SLC2A5: variants seen among roughly 807,000 people sequenced by gnomAD.
SLC2A5 encodes the protein solute carrier family 2, facilitated glucose transporter member 5.
Under a neutral mutation model 50.3 loss-of-function variants are expected in SLC2A5, and 56 were observed. That is an observed-to-expected ratio of 1.11 (90% CI 0.90 to 1.39). The LOEUF (loss-of-function observed/expected upper bound fraction) is 1.39, where lower values mean the gene tolerates loss of function less well. SLC2A5 is among the 40% of genes most tolerant of loss of function. SLC2A5 has a pLI of 0.00. For missense variants in SLC2A5, 566 were observed against 650.1 expected, an observed-to-expected ratio of 0.87 and a Z score of 1.41; for synonymous variants, 269 against 281.9, an observed-to-expected ratio of 0.95 and a Z score of 0.46.
At chr1:9,066,983 TA>T (rs58819432) in intron 1 of SLC2A5, among the ~76,000 whole-genome samples, 10,684 of 109,926 alleles carry the variant, frequency 0.097, 496 homozygotes, top group African/African-American at 0.18. Flanking sequence ...GTCTCAAAAT[TA>T]AAAAAAAAAA....
chr1:9,039,639 G>T lies in SLC2A5; in HGVS notation c.909C>A (p.Ile303=), dbSNP rs1427039024. The change falls in exon 8 of 12, where the codon ATC becomes ATA. Residue 303 remains isoleucine, a synonymous_variant. Coordinates refer to ENST00000377424, the MANE Select transcript of SLC2A5 (RefSeq NM_003039.3). The stretch of plus-strand genomic sequence containing the variant: ...CCTCCGGCACGCCGGCGCTCAGGTA[G>T]ATCTGGTCCGCGTAGTAGTAGATCT... ...VNAIYYYADQ[I]YLSAGVPEEH... The T allele has an allele frequency of 1.2e-5, 18 of 1,558,514 alleles. No individual in the cohort carries two copies. The East Asian group carries it at 4.1e-4, about 36-fold the overall frequency.
At chr1:9,053,489 T>A (rs1246002859) in intron 3 of SLC2A5, among the ~76,000 whole-genome samples, 4 of 82,814 alleles carry the variant, frequency 4.8e-5, no homozygotes, top group South Asian at 2.8e-4. Context: ...TATTATATAT[T>A]TATATATAAT....
At position 9,037,482 on chromosome 1, in the gene SLC2A5, A is replaced by G; in HGVS notation, c.*104T>C. On this transcript the variant is annotated 3_prime_UTR_variant, in exon 12 of 12. Transcript: ENST00000377424. Reference sequence around the variant, plus strand: ...GGAGATGAGGACTGCATTCCACATCAGAGTTGTTTTATTTCTGGATATTCA... The same window carrying G: ...GGAGATGAGGACTGCATTCCACATCGGAGTTGTTTTATTTCTGGATATTCA... 1.1e-6 allele frequency: 1 copy of G among 941,140 alleles called. No individual in the cohort carries two copies. The highest frequency in any genetic ancestry group is 1.4e-5 in the South Asian group (1 of 69,392). The allele number at this position is 941,140 out of a possible 1,614,324, so 58.3% of individuals were successfully genotyped here.
intron 1 of SLC2A5, among the ~76,000 whole-genome samples, chr1:9,061,944 G>T (rs939476827): frequency 2.0e-5 from 3 of 152,186 alleles, no homozygotes; most frequent in African/African-American, 7.2e-5. Context: ...AAATGATCAG[G>T]CTATAGAGTC....
intron 2 of SLC2A5, 83 bp from the exon 3 acceptor site, chr1:9,057,691 A>G: frequency 8.0e-7 from 1 of 1,242,910 alleles, no homozygotes. Context: ...ACACCCAATG[A>G]AATAACCTGG....
At chr1:9,066,807 G>A (rs1642094588) in intron 1 of SLC2A5, among the ~76,000 whole-genome samples, 2 of 151,494 alleles carry the variant, frequency 1.3e-5, no homozygotes, top group East Asian at 1.9e-4. Context: ...GTGAGACCCC[G>A]TCTCTTCAAA....
At chr1:9,078,669 A>T (rs11590201) in intron 2 of SLC2A5, among the ~76,000 whole-genome samples, 43,487 of 152,100 alleles carry the variant, frequency 0.29, 6,993 homozygotes, top group East Asian at 0.49. Flanking sequence ...GTAGATCCAC[A>T]CTACATTGTT....
upstream of SLC2A5, among the ~76,000 whole-genome samples, chr1:9,091,080 G>C (rs918959003): frequency 2.0e-5 from 3 of 152,120 alleles, no homozygotes; most frequent in Non-Finnish European, 4.4e-5. Context: ...AATAAGAAGG[G>C]ACTTACTTTC....
At position 9,085,603 on chromosome 1, in the gene SLC2A5, G is replaced by A. The variant is rs190124820; in HGVS notation, c.-187-461C>T. Among the ~76,000 whole-genome samples, 19 of 152,276 alleles carry A rather than the reference G, an allele frequency of 1.2e-4. No homozygotes were observed. In the East Asian group the frequency reaches 3.1e-3, roughly 25 times the overall value. ...GTCACTGTTGGTGCTGGAGAGGTTTGATGAGGCATGTTCGAACCCCACTTC... is the reference window on the plus strand; with the variant it reads ...GTCACTGTTGGTGCTGGAGAGGTTTAATGAGGCATGTTCGAACCCCACTTC... On this transcript the variant is annotated intron_variant, in intron 1 of 5. Transcript: ENST00000464985.
At chr1:9,067,855 G>A (rs141676931) in intron 1 of SLC2A5, among the ~76,000 whole-genome samples, 82 of 152,214 alleles carry the variant, frequency 5.4e-4, no homozygotes, top group Middle Eastern at 3.4e-3. Flanking sequence ...GAAATCACGC[G>A]GAGGTGGAGA....
At chr1:9,062,913 C>G (rs1038413218) in intron 1 of SLC2A5, among the ~76,000 whole-genome samples, 3 of 151,968 alleles carry the variant, frequency 2.0e-5, no homozygotes, top group African/African-American at 7.2e-5. Context: ...CCAGCTACTA[C>G]GTGCAGAGCA....
chr1:9,039,642 C>T lies in SLC2A5; in HGVS notation c.906G>A (p.Gln302=), dbSNP rs1302108098. 2 of 1,557,230 alleles carry T rather than the reference C, an allele frequency of 1.3e-6. No homozygotes were observed. Among genetic ancestry groups the T allele is most frequent in the African/African-American group, 1.4e-5 (1 of 73,014 alleles). The change falls in exon 8 of 12, where the codon CAG becomes CAA. Residue 302 remains glutamine (Q), a synonymous_variant. Coordinates refer to ENST00000377424, the MANE Select transcript of SLC2A5 (RefSeq NM_003039.3). Reference sequence around the variant, plus strand: ...CCGGCACGCCGGCGCTCAGGTAGATCTGGTCCGCGTAGTAGTAGATCTGCA... The same window carrying T: ...CCGGCACGCCGGCGCTCAGGTAGATTTGGTCCGCGTAGTAGTAGATCTGCA... ...GVNAIYYYAD[Q]IYLSAGVPEE... is the part of the protein sequence containing the mutation.
upstream of SLC2A5, among the ~76,000 whole-genome samples, chr1:9,089,674 A>G (rs1642442100): frequency 6.6e-6 from 1 of 152,224 alleles, no homozygotes; most frequent in South Asian, 2.1e-4. Flanking sequence ...GCAACCCTGG[A>G]CGCTGGCCAA....
chr1:9,075,541 T>A (rs1642273160), intron 2 of SLC2A5, among the ~76,000 whole-genome samples: 1 of 152,230 alleles, frequency 6.6e-6, no homozygotes, highest in South Asian at 2.1e-4. Flanking sequence ...GCCCAGACAG[T>A]TGTCACTCCC....
chr1:9,068,144 C>T lies in SLC2A5; in HGVS notation c.33+1360G>A, dbSNP rs138059084. Among the ~76,000 whole-genome samples the T allele has an allele frequency of 9.9e-4, 135 of 136,080 alleles. No homozygotes were observed. The East Asian group carries it at 0.011, about 11-fold the overall frequency. 89.3% of individuals were successfully genotyped at this position (136,080 alleles called of 152,430 possible). ...GGTGGAGGTTGCAGTGAACCTTGAT[C>T]GCACCACTGTACTTCAGCCTGGGTG... is the stretch of plus-strand genomic sequence containing the variant. On this transcript the variant is annotated intron_variant, in intron 1 of 11. Coordinates refer to ENST00000377424, the MANE Select transcript of SLC2A5 (RefSeq NM_003039.3).
chr1:9,038,362 G>A, intron 10 of SLC2A5, 69 bp downstream of exon 10: 1 of 1,146,710 alleles, frequency 8.7e-7, no homozygotes, highest in Non-Finnish European at 1.3e-6. Flanking sequence ...TATCTCTAAG[G>A]AGCTCCAGCC....
In SLC2A5 at chr1:9,037,570, G is replaced by A. The variant is rs1368083021; in HGVS notation, c.*16C>T. Reference sequence around the variant, plus strand: ...AAGCCCCTGGCAGACCAGCTCCACTGGCTTCCTCTCCAGAGTCACTGTTCC... The same window carrying A: ...AAGCCCCTGGCAGACCAGCTCCACTAGCTTCCTCTCCAGAGTCACTGTTCC... On this transcript the variant is annotated 3_prime_UTR_variant, in exon 12 of 12. Coordinates refer to ENST00000377424, the MANE Select transcript of SLC2A5 (RefSeq NM_003039.3). 1 of 1,611,242 alleles carries A rather than the reference G, an allele frequency of 6.2e-7. No homozygotes were observed. Among genetic ancestry groups the A allele is most frequent in the South Asian group, 1.1e-5 (1 of 90,952 alleles).
chr1:9,077,100 T>A (rs1243548175), intron 2 of SLC2A5, among the ~76,000 whole-genome samples: 2 of 150,276 alleles, frequency 1.3e-5, no homozygotes, highest in Admixed American at 1.3e-4. Context: ...CAAGTGGGTT[T>A]TTAAAAGAAA....
intron 3 of SLC2A5, among the ~76,000 whole-genome samples, chr1:9,052,973 A>AT (rs1385411917): frequency 2.6e-4 from 18 of 68,354 alleles, no homozygotes; most frequent in South Asian, 5.0e-4. Flanking sequence ...TTCAAAAAAA[A>AT]ATATATATAT....
Sources: gnomAD v4.1 joint callset for allele counts (sites outside exome capture counted in the v4.1 genomes callset) on GRCh38, gnomAD v4.1.1 for gene constraint, MANE v1.5 for transcripts, NCBI Gene and HGNC (gene_info 2026-07-23, HGNC 2026-07-21) for gene names.